The following CEP135 variants were observed in gnomAD, a reference collection of about 807,000 sequenced individuals.
CEP135 encodes centrosomal protein of 135 kDa.
Under a neutral mutation model 157.3 loss-of-function variants are expected in CEP135, and 142 were observed. The ratio of observed to expected loss-of-function variants is 0.90; its 90% CI spans 0.79 to 1.04. The LOEUF is 1.04. CEP135 is among the 50% of genes least tolerant of loss of function. The pLI is 0.00. For synonymous variants in CEP135, 396 were observed against 439.8 expected (o/e 0.90, Z 1.25); for missense variants, 1,317 against 1,309.2 (o/e 1.01, Z -0.09).
At chr4:56,021,706 C>T (rs554839722) in intron 24 of CEP135, among the ~76,000 whole-genome samples, 33 of 152,270 alleles carry the variant, frequency 2.2e-4, no homozygotes, top group African/African-American at 7.5e-4. Flanking sequence ...AGTATAGTGA[C>T]AATTTGCTAT....
chr4:55,999,072 G>T (rs907878531), intron 15 of CEP135, among the ~76,000 whole-genome samples: 2 of 152,134 alleles, frequency 1.3e-5, no homozygotes, highest in African/African-American at 4.8e-5. Context: ...CAATTAATTT[G>T]ATTTTTATAC....
chr4:55,955,841 T>G (rs998976822), intron 4 of CEP135, among the ~76,000 whole-genome samples: 1 of 152,206 alleles, frequency 6.6e-6, no homozygotes, highest in Admixed American at 6.5e-5. Context: ...CATGTCTAAA[T>G]TTTTGGCAAA....
In CEP135 at chr4:55,953,075, G is replaced by C. The variant is rs1210942470; in HGVS notation, c.114-10G>C. Reference sequence around the variant, plus strand: ...ATATTTCCTGGTATTTAAATTTTCTGTTCTTTTAGCGACTTAGTTCATACA... The same window carrying C: ...ATATTTCCTGGTATTTAAATTTTCTCTTCTTTTAGCGACTTAGTTCATACA... On this transcript the variant is annotated splice_polypyrimidine_tract_variant and intron_variant, in intron 2 of 25. Coordinates refer to ENST00000257287, the MANE Select transcript of CEP135 (RefSeq NM_025009.5). 4 of 1,540,782 alleles carry C rather than the reference G, an allele frequency of 2.6e-6. No homozygotes were observed. The highest frequency in any genetic ancestry group is 2.6e-6 in the Non-Finnish European group (3 of 1,150,494).
chr4:55,975,001 G>A (rs1242059095), intron 11 of CEP135, 32 bp downstream of exon 11: 3 of 1,422,478 alleles, frequency 2.1e-6, no homozygotes, highest in South Asian at 2.7e-5. Context: ...AGGCCAGAAA[G>A]TATCTTTATG....
At position 55,981,231 on chromosome 4, in the gene CEP135, A is replaced by G. The variant is rs1729394572; in HGVS notation, c.1631A>G (p.Gln544Arg). ...TATATCTTTTCATTCTTTAAGGCTC[A>G]GGAAGAATTATCTGCCCTAAGAAAG... ...DKLSVLYNEAQEELSALRKES... is the reference protein window; with the variant it reads ...DKLSVLYNEAREELSALRKES... Residue 544 changes from glutamine (Q) to arginine (R), a missense_variant, in exon 13 of 26, where the codon CAG (glutamine) becomes CGG (arginine). By Grantham distance (43) the Gln-to-Arg change is conservative. Coordinates refer to ENST00000257287, the MANE Select transcript of CEP135 (RefSeq NM_025009.5). 1 of 1,580,516 alleles carries G rather than the reference A, an allele frequency of 6.3e-7. No individual in the cohort carries two copies. The highest frequency in any genetic ancestry group is 2.3e-5 in the East Asian group (1 of 43,502).
At chr4:55,991,010 CTG>C (rs1356162321) in intron 14 of CEP135, among the ~76,000 whole-genome samples, 1 of 151,618 alleles carries the variant, frequency 6.6e-6, no homozygotes, top group Admixed American at 6.6e-5. Flanking sequence ...GAGTCTCACT[CTG>C]TTGCCCAGGC....
At chr4:55,983,945 C>G (rs1229069827) in intron 13 of CEP135, among the ~76,000 whole-genome samples, 1 of 152,170 alleles carries the variant, frequency 6.6e-6, no homozygotes, top group Non-Finnish European at 1.5e-5. Flanking sequence ...GCTCACATTA[C>G]TTTGTCTTGA....
At chr4:56,003,943 A>C (rs1372933844) in intron 17 of CEP135, among the ~76,000 whole-genome samples, 1 of 151,258 alleles carries the variant, frequency 6.6e-6, no homozygotes, top group Non-Finnish European at 1.5e-5. Context: ...CTGGTCTCCA[A>C]CTCCTAGTCT....
chr4:55,969,951 CA>C, intron 9 of CEP135, among the ~76,000 whole-genome samples: 1 of 151,892 alleles, frequency 6.6e-6, no homozygotes, highest in South Asian at 2.1e-4. Flanking sequence ...TAGCTCCCTG[CA>C]GCCTTGAACC....
At chr4:56,014,431 A>G (rs1391034377) in intron 21 of CEP135, among the ~76,000 whole-genome samples, 1 of 152,228 alleles carries the variant, frequency 6.6e-6, no homozygotes, top group Non-Finnish European at 1.5e-5. Context: ...GAAAACTTCT[A>G]TTATTTACAG....
intron 4 of CEP135, among the ~76,000 whole-genome samples, chr4:55,956,747 A>G (rs1230137420): frequency 6.6e-6 from 1 of 152,176 alleles, no homozygotes; most frequent in East Asian, 1.9e-4. Flanking sequence ...AGTAGCTGGG[A>G]TTACAGGTGC....
At position 55,981,348 on chromosome 4, in the gene CEP135, C is replaced by T; in HGVS notation, c.1748C>T (p.Ala583Val). The T allele has an allele frequency of 1.3e-6, 2 of 1,580,714 alleles. No homozygotes were observed. The highest frequency in any genetic ancestry group is 1.2e-5 in the South Asian group (1 of 83,566). Reference protein sequence around the residue: ...LALSDLRRIMAEKEALREKLE... With the variant: ...LALSDLRRIMVEKEALREKLE... The stretch of plus-strand genomic sequence containing the variant: ...TTATCTGACTTAAGAAGAATTATGG[C>T]AGAAAAGGAAGCTTTAAGAGAAAAA... The change falls in exon 13 of 26, where the codon GCA becomes GTA. Residue 583 changes from alanine (A) to valine (V), a missense_variant. Transcript: ENST00000257287.
Position 56,004,850 on chromosome 4 carries a change from TCAGA to T in CEP135, c.2281-3474_2281-3471del, listed in dbSNP as rs546831661. The stretch of plus-strand genomic sequence containing the variant: ...ATAGTTGGGTCTTATTTTTAACCAT[TCAGA>T]CACTCAGTCTTTTAATTGGAGAATG... On this transcript the variant is annotated intron_variant, in intron 17 of 25. Transcript: ENST00000257287. Among the ~76,000 whole-genome samples, 300 of 152,224 alleles carry T rather than the reference TCAGA, an allele frequency of 2.0e-3. 1 individual carries two copies. The highest frequency in any genetic ancestry group is 7.0e-3 in the African/African-American group (291 of 41,550).
Position 56,020,775 on chromosome 4 carries a change from C to A in CEP135, c.3315C>A (p.Tyr1105Ter). 1 of 1,609,828 alleles carries A rather than the reference C, an allele frequency of 6.2e-7. No homozygotes were observed. The highest frequency in any genetic ancestry group is 8.5e-7 in the Non-Finnish European group (1 of 1,177,892). Reference protein sequence around the residue: ...ALKRQISTERYERERAIQEMR... With the variant: ...ALKRQISTER ...AAAGGCAGATCTCAACTGAAAGATA[C>A]GAACGGTAAGACAAATTTTTTTTAC... The change falls in exon 24 of 26, where the codon TAC (tyrosine) becomes TAA (stop). Residue 1105 changes from tyrosine to a stop codon, truncating the protein, a stop_gained. Coordinates refer to ENST00000257287, the MANE Select transcript of CEP135 (RefSeq NM_025009.5). LOFTEE classifies it high-confidence loss of function.
rs576264323 is a variant in CEP135 at position 56,023,276 on chromosome 4, GC to G, written c.3321-1224del. On this transcript the variant is annotated intron_variant, in intron 24 of 25. Coordinates refer to ENST00000257287, the MANE Select transcript of CEP135 (RefSeq NM_025009.5). ...AGCTATGGGGAACATCAAAGTATAG[GC>G]AGGAGAAAAGGATCCAGTAACAGAG... Among the ~76,000 whole-genome samples, 579 of 152,070 alleles carry G rather than the reference GC, an allele frequency of 3.8e-3. 7 individuals are homozygous for G. The highest frequency in any genetic ancestry group is 0.013 in the African/African-American group (553 of 41,494).
Position 55,954,354 on chromosome 4 carries a change from A to C in CEP135, c.443A>C (p.Lys148Thr). 1 of 1,606,462 alleles carries C rather than the reference A, an allele frequency of 6.2e-7. No homozygotes were observed. Among genetic ancestry groups the C allele is most frequent in the Non-Finnish European group, 8.5e-7 (1 of 1,177,774 alleles). Residue 148 changes from lysine to threonine, a missense_variant, in exon 4 of 26, where the codon AAG becomes ACG. Coordinates refer to ENST00000257287, the MANE Select transcript of CEP135 (RefSeq NM_025009.5). ...GAAAGAATTCAACAACTTCAAGAAA[A>C]GAATTTGCATGCTGTAGTACAAACT... ...KNERIQQLQE[K>T]NLHAVVQTPG...
chr4:55,953,162 T>C lies in CEP135; in HGVS notation c.191T>C (p.Phe64Ser), dbSNP rs757992947. The change falls in exon 3 of 26, where the codon TTT becomes TCT. Residue 64 changes from phenylalanine to serine, a missense_variant. By Grantham distance (155) the Phe-to-Ser change is radical. Transcript: ENST00000257287. Reference sequence around the variant, plus strand: ...AAAGCTGAAAAAGAAAGTGCCAATTTTGATTTTGTTTTGGAACCCTATAAA... The same window carrying C: ...AAAGCTGAAAAAGAAAGTGCCAATTCTGATTTTGTTTTGGAACCCTATAAA... ...AVKAEKESAN[F>S]DFVLEPYKLE... The C allele has an allele frequency of 2.5e-6, 4 of 1,608,854 alleles. No homozygotes were observed. The South Asian group carries it at 3.3e-5, about 13-fold the overall frequency.
At chr4:56,008,293 T>C (rs777910083) in intron 17 of CEP135, 34 bp from the exon 18 acceptor site, 8 of 1,518,958 alleles carry the variant, frequency 5.3e-6, no homozygotes, top group Non-Finnish European at 7.3e-6. Flanking sequence ...GACATTTTGG[T>C]TTAAAATCTT....
intron 25 of CEP135, 59 bp downstream of exon 25, chr4:56,024,673 G>A: frequency 8.5e-7 from 1 of 1,172,384 alleles, no homozygotes; most frequent in Non-Finnish European, 1.3e-6. Context: ...AATTCAGAAA[G>A]TAGTTTTCTG....
Sources: allele counts gnomAD v4.1 joint callset (sites outside exome capture counted in the v4.1 genomes callset), GRCh38; gene constraint gnomAD v4.1.1; transcripts MANE v1.5; gene names NCBI Gene and HGNC (gene_info 2026-07-23, HGNC 2026-07-21).